The following PREX2 variants were observed in gnomAD, a reference collection of about 807,000 sequenced individuals.
The protein encoded by PREX2 is phosphatidylinositol 3,4,5-trisphosphate-dependent Rac exchanger 2 protein.
Under a neutral mutation model 203.2 loss-of-function variants are expected in PREX2, and 107 were observed. The ratio of observed to expected loss-of-function variants is 0.53; its 90% CI spans 0.45 to 0.62. The LOEUF is 0.62. Ranked by LOEUF, PREX2 falls within the 20% of genes least tolerant of loss-of-function variation. The pLI, the probability that PREX2 is intolerant of heterozygous loss-of-function variation, is 0.00. For missense variants in PREX2, 1,777 were observed against 1,955.9 expected, an observed-to-expected ratio of 0.91 and a Z score of 1.72; for synonymous variants, 672 against 663.6, an observed-to-expected ratio of 1.01 and a Z score of -0.19.
intron 38 of PREX2, among the ~76,000 whole-genome samples, chr8:68,218,955 T>C (rs1001264912): frequency 1.3e-5 from 2 of 152,204 alleles, no homozygotes; most frequent in African/African-American, 4.8e-5. Flanking sequence ...GAAGGACTTT[T>C]TGGATATATA....
At chr8:68,216,718 G>T (rs1812845234) in intron 37 of PREX2, among the ~76,000 whole-genome samples, 1 of 152,122 alleles carries the variant, frequency 6.6e-6, no homozygotes, top group South Asian at 2.1e-4. Context: ...CAGCACTTGG[G>T]AGGCCAAGAC....
At chr8:67,976,940 AG>A (rs1429446029) in intron 1 of PREX2, among the ~76,000 whole-genome samples, 1 of 152,256 alleles carries the variant, frequency 6.6e-6, no homozygotes, top group Non-Finnish European at 1.5e-5. Flanking sequence ...CAGAATGTCT[AG>A]CTGAACACTT....
At chr8:68,003,435 G>A (rs1288052935) in intron 1 of PREX2, among the ~76,000 whole-genome samples, 1 of 152,184 alleles carries the variant, frequency 6.6e-6, no homozygotes, top group Non-Finnish European at 1.5e-5. Flanking sequence ...ACCTTTCTTG[G>A]GTGGAGCTAG....
intron 4 of PREX2, among the ~76,000 whole-genome samples, chr8:68,026,854 C>A (rs531300248): frequency 1.3e-5 from 2 of 152,164 alleles, no homozygotes; most frequent in African/African-American, 4.8e-5. Flanking sequence ...ACATAATATA[C>A]CTTTCTTTAT....
rs745469943 is a variant in PREX2 at position 68,109,021 on chromosome 8, G to A, written c.2939-395G>A. 18 of 454,114 alleles carry A rather than the reference G, an allele frequency of 4.0e-5. 1 individual carries two copies. Among genetic ancestry groups the A allele is most frequent in the South Asian group, 2.8e-4 (18 of 63,570 alleles). 28.1% of individuals were successfully genotyped at this position (454,114 alleles called of 1,614,324 possible). On this transcript the variant is annotated intron_variant, in intron 24 of 39. Transcript: ENST00000288368. Reference sequence around the variant, plus strand: ...GTTGATCTCATAGAAGTAGAGAGTAGAATGGTGAGTAGCAGGGCCTGGGGT... The same window carrying A: ...GTTGATCTCATAGAAGTAGAGAGTAAAATGGTGAGTAGCAGGGCCTGGGGT...
chr8:68,218,086 G>T (rs934367918), intron 38 of PREX2, among the ~76,000 whole-genome samples: 3 of 152,214 alleles, frequency 2.0e-5, no homozygotes, highest in African/African-American at 7.2e-5. Context: ...AGGCACAGCA[G>T]CAAGGAAGAA....
intron 17 of PREX2, 72 bp downstream of exon 17, chr8:68,080,910 A>G: frequency 1.2e-6 from 1 of 861,552 alleles, no homozygotes; most frequent in Non-Finnish European, 1.9e-6. Context: ...AAACAAACTG[A>G]AATCTGCCTT....
intron 1 of PREX2, among the ~76,000 whole-genome samples, chr8:67,998,476 A>G (rs1475956290): frequency 6.6e-6 from 1 of 152,206 alleles, no homozygotes; most frequent in Non-Finnish European, 1.5e-5. Context: ...TGCAGCCTCT[A>G]TAAGTTCCTG....
At chr8:68,098,972 A>ATATATATATATG (rs1810178541) in intron 22 of PREX2, among the ~76,000 whole-genome samples, 3 of 142,978 alleles carry the variant, frequency 2.1e-5, no homozygotes, top group African/African-American at 7.9e-5. Flanking sequence ...ATATATATAT[A>ATATATATATATG]TATATCTCAC....
chr8:68,177,996 T>C (rs1812014865), intron 35 of PREX2, among the ~76,000 whole-genome samples: 1 of 152,198 alleles, frequency 6.6e-6, no homozygotes, highest in Admixed American at 6.5e-5. Flanking sequence ...TGCATAGTAT[T>C]CCATGGTTTA....
At chr8:68,083,434 A>G (rs1337639193) in intron 18 of PREX2, 46 bp downstream of exon 18, 2 of 1,409,990 alleles carry the variant, frequency 1.4e-6, no homozygotes, top group South Asian at 1.3e-5. Flanking sequence ...TTATACATAG[A>G]TAAGTAACAC....
At chr8:68,060,822 G>T in intron 11 of PREX2, 43 bp downstream of exon 11, 1 of 1,258,670 alleles carries the variant, frequency 7.9e-7, no homozygotes, top group Admixed American at 1.9e-5. Flanking sequence ...GCATTTATTG[G>T]CCATATGTAT....
chr8:68,019,735 G>C, intron 3 of PREX2, 64 bp downstream of exon 3: 1 of 1,479,674 alleles, frequency 6.8e-7, no homozygotes, highest in Non-Finnish European at 9.2e-7. Context: ...TTAGCTCTTG[G>C]CATAGTGGTA....
chr8:68,006,267 G>A (rs1368318017), intron 1 of PREX2, among the ~76,000 whole-genome samples: 2 of 152,102 alleles, frequency 1.3e-5, no homozygotes, highest in Non-Finnish European at 2.9e-5. Context: ...AGGTATCCTG[G>A]GATGAAGGGA....
At chr8:68,153,514 A>T (rs564824111) in intron 34 of PREX2, among the ~76,000 whole-genome samples, 1 of 152,310 alleles carries the variant, frequency 6.6e-6, no homozygotes, top group African/African-American at 2.4e-5. Flanking sequence ...TATTCAACCA[A>T]GTATGTTGAT....
At chr8:68,009,557 A>G (rs996028225) in intron 1 of PREX2, among the ~76,000 whole-genome samples, 1 of 152,224 alleles carries the variant, frequency 6.6e-6, no homozygotes, top group Non-Finnish European at 1.5e-5. Flanking sequence ...TCTGAACTGC[A>G]TTTAGAAATC....
Position 68,097,212 on chromosome 8 carries a change from T to A in PREX2, c.2553+11T>A, listed in dbSNP as rs201026235. ...AGCTTAACTGCCAAGGTAGGAGCGA[T>A]GCTGAAGAAATAAGATTTTTTGTTC... On this transcript the variant is annotated intron_variant, in intron 22 of 39. Coordinates refer to ENST00000288368, the MANE Select transcript of PREX2 (RefSeq NM_024870.4). 1 of 1,588,260 alleles carries A rather than the reference T, an allele frequency of 6.3e-7. No homozygotes were observed. Among genetic ancestry groups the A allele is most frequent in the Non-Finnish European group, 8.6e-7 (1 of 1,165,948 alleles).
intron 1 of PREX2, among the ~76,000 whole-genome samples, chr8:67,981,733 T>C (rs1391519383): frequency 6.6e-6 from 1 of 152,222 alleles, no homozygotes; most frequent in Non-Finnish European, 1.5e-5. Context: ...ATACTCTTGA[T>C]ATCCTTAAAA....
In PREX2 at chr8:68,224,718, T is replaced by G; in HGVS notation, c.4775+92T>G. On this transcript the variant is annotated intron_variant, in intron 39 of 39. Transcript: ENST00000288368. ...CCGCTAATGCAACTGATCTAGGATGTGCCCCGTGTCGTACTGATTGTAATT... is the reference window on the plus strand; with the variant it reads ...CCGCTAATGCAACTGATCTAGGATGGGCCCCGTGTCGTACTGATTGTAATT... 3 of 937,318 alleles carry G rather than the reference T, an allele frequency of 3.2e-6. No individual in the cohort carries two copies. In the East Asian group the frequency reaches 7.4e-5, roughly 23 times the overall value. 58.1% of individuals were successfully genotyped at this position (937,318 alleles called of 1,614,324 possible).
Sources: allele counts gnomAD v4.1 joint callset (sites outside exome capture counted in the v4.1 genomes callset), GRCh38; gene constraint gnomAD v4.1.1; transcripts MANE v1.5; gene names NCBI Gene and HGNC (gene_info 2026-07-23, HGNC 2026-07-21).